The following PLCZ1 variants were observed in gnomAD, a reference collection of about 807,000 sequenced individuals.
PLCZ1 encodes 1-phosphatidylinositol 4,5-bisphosphate phosphodiesterase zeta-1.
In PLCZ1, 64 loss-of-function variants were observed where a neutral mutation model predicts 76.8. The observed-to-expected ratio is 0.83, with a 90% CI of 0.68 to 1.03. PLCZ1 has a LOEUF of 1.03. Ranked by LOEUF, PLCZ1 falls within the 50% of genes least tolerant of loss-of-function variation. The pLI is 0.00. For missense variants in PLCZ1, 751 were observed against 713.7 expected (o/e 1.05, Z -0.60); for synonymous variants, 248 against 230.8 (o/e 1.07, Z -0.68).
chr12:18,708,521 A>G (rs1956905464), intron 6 of PLCZ1, among the ~76,000 whole-genome samples: 1 of 152,178 alleles, frequency 6.6e-6, no homozygotes. Context: ...TTGGGTATGT[A>G]CCCAGAAGAG....
rs201661578 is a variant in PLCZ1 at position 18,701,691 on chromosome 12, C to T, written c.949+1G>A. The T allele has an allele frequency of 1.9e-6, 3 of 1,609,912 alleles. No homozygotes were observed. In the East Asian group the frequency reaches 6.8e-5, roughly 36 times the overall value. On this transcript the variant is annotated splice_donor_variant, in intron 8 of 14. Coordinates refer to ENST00000266505, the MANE Select transcript of PLCZ1 (RefSeq NM_033123.4). LOFTEE classifies it high-confidence loss of function. ...TTCTTCTTCCCATTCCTCCACCTTA[C>T]CACGCTTATCAGAACCTTTTCTTTC...
intron 3 of PLCZ1, among the ~76,000 whole-genome samples, chr12:18,727,151 C>A (rs1357118872): frequency 6.6e-6 from 1 of 151,854 alleles, no homozygotes; most frequent in Non-Finnish European, 1.5e-5. Flanking sequence ...CGAGATCACC[C>A]TGGGCAACAT....
intron 12 of PLCZ1, among the ~76,000 whole-genome samples, chr12:18,689,026 A>C (rs867894631): frequency 1.3e-4 from 20 of 152,220 alleles, no homozygotes; most frequent in Middle Eastern, 3.4e-3. Context: ...AAAAAACACT[A>C]ATGTGTGATT....
the PLCZ1 span, chr12:18,647,746 C>T: frequency 2.4e-6 from 1 of 420,942 alleles, no homozygotes. Context: ...ATAAAAGAGT[C>T]TGACATTAAC....
intron 13 of PLCZ1, 80 bp from the exon 14 acceptor site, chr12:18,684,359 T>C: frequency 7.1e-7 from 1 of 1,401,542 alleles, no homozygotes; most frequent in Admixed American, 1.9e-5. Flanking sequence ...TTCTCCAAAC[T>C]TTTTCTTTTC....
chr12:18,680,718 A>G (rs1006030742), downstream of PLCZ1, among the ~76,000 whole-genome samples: 1 of 152,084 alleles, frequency 6.6e-6, no homozygotes, highest in Non-Finnish European at 1.5e-5. Context: ...ATTGCTCACT[A>G]CAAAAGGAGA....
rs892562438 is a variant in PLCZ1 at position 18,712,971 on chromosome 12, T to A, written c.585A>T (p.Gly195=). The change falls in exon 6 of 15, where the codon GGA becomes GGT. Residue 195 remains glycine (G), a synonymous_variant. Transcript: ENST00000266505. ...LWGYVSALVK[G]CRCLEIDCWD... is the part of the protein sequence containing the mutation. Reference sequence around the variant, plus strand: ...AGCAGTCAATCTCCAAACAACGGCATCCTTTCACAAGGGCACTAGCAAAAT... The same window carrying A: ...AGCAGTCAATCTCCAAACAACGGCAACCTTTCACAAGGGCACTAGCAAAAT... 3.7e-6 allele frequency: 6 copies of A among 1,613,820 alleles called. No homozygotes were observed. The highest frequency in any genetic ancestry group is 1.3e-5 in the African/African-American group (1 of 74,928).
the PLCZ1 span, among the ~76,000 whole-genome samples, chr12:18,648,860 C>T: frequency 6.6e-6 from 1 of 152,014 alleles, no homozygotes; most frequent in Non-Finnish European, 1.5e-5. Context: ...TTCTTTAAAA[C>T]AATCAAAAAA....
the PLCZ1 span, among the ~76,000 whole-genome samples, chr12:18,666,309 C>A: frequency 4.0e-5 from 6 of 151,854 alleles, no homozygotes; most frequent in Non-Finnish European, 5.9e-5. Context: ...TGGCAAAATG[C>A]ATTAAGAAGC....
chr12:18,733,665 A>G (rs1235244603), intron 3 of PLCZ1, among the ~76,000 whole-genome samples: 2 of 152,100 alleles, frequency 1.3e-5, no homozygotes, highest in Non-Finnish European at 2.9e-5. Flanking sequence ...TTAGAGTCCA[A>G]TTTCATTTTT....
At chr12:18,690,195 A>G (rs544546475) in intron 12 of PLCZ1, among the ~76,000 whole-genome samples, 68 of 152,008 alleles carry the variant, frequency 4.5e-4, no homozygotes, top group Non-Finnish European at 8.7e-4. Flanking sequence ...AAGGTGGAAC[A>G]AAACACATCT....
chr12:18,697,690 T>G (rs953379647), intron 10 of PLCZ1, among the ~76,000 whole-genome samples: 5 of 152,170 alleles, frequency 3.3e-5, no homozygotes, highest in African/African-American at 9.6e-5. Context: ...CTTTTGTATG[T>G]GTATAATTTT....
At chr12:18,663,327 T>G in the PLCZ1 span, among the ~76,000 whole-genome samples, 7,328 of 152,168 alleles carry the variant, frequency 0.048, 275 homozygotes, top group African/African-American at 0.1. Flanking sequence ...TAGAAAACCA[T>G]GAGTCCAGAA....
intron 13 of PLCZ1, chr12:18,685,542 G>A (rs1952979129): frequency 2.6e-6 from 1 of 378,294 alleles, no homozygotes; most frequent in Non-Finnish European, 5.5e-6. Context: ...TGTTTTCTAT[G>A]GTTCACCTGT....
chr12:18,657,632 ATACT>A, the PLCZ1 span, among the ~76,000 whole-genome samples: 1 of 152,220 alleles, frequency 6.6e-6, no homozygotes, highest in South Asian at 2.1e-4. Flanking sequence ...CAATGAATAC[ATACT>A]TTAAAAAATC....
chr12:18,680,369 T>A (rs1028863542), downstream of PLCZ1, among the ~76,000 whole-genome samples: 1 of 151,934 alleles, frequency 6.6e-6, no homozygotes, highest in Admixed American at 6.6e-5. Context: ...CTCAAGACAC[T>A]CCCTTATATC....
chr12:18,660,146 A>T, the PLCZ1 span, among the ~76,000 whole-genome samples: 1 of 152,092 alleles, frequency 6.6e-6, no homozygotes, highest in East Asian at 1.9e-4. Context: ...CTTCCAGGAG[A>T]GGACCTGGAT....
intron 12 of PLCZ1, among the ~76,000 whole-genome samples, chr12:18,694,632 C>A (rs1394743117): frequency 6.6e-6 from 1 of 151,974 alleles, no homozygotes; most frequent in African/African-American, 2.4e-5. Context: ...ATATTAAATG[C>A]CTAAATACAA....
intron 7 of PLCZ1, among the ~76,000 whole-genome samples, chr12:18,703,312 G>A (rs953608063): frequency 2.0e-5 from 3 of 151,204 alleles, no homozygotes; most frequent in East Asian, 1.9e-4. Context: ...TATATGTCTT[G>A]TCACTAGTGT....
Sources: allele counts gnomAD v4.1 joint callset (sites outside exome capture counted in the v4.1 genomes callset), GRCh38; gene constraint gnomAD v4.1.1; transcripts MANE v1.5; gene names NCBI Gene and HGNC (gene_info 2026-07-23, HGNC 2026-07-21).